PTPRM: variants seen among roughly 807,000 people sequenced by gnomAD.
The protein encoded by PTPRM is protein tyrosine phosphatase receptor type M.
In PTPRM, 47 loss-of-function variants were observed where a neutral mutation model predicts 186.7. The ratio of observed to expected loss-of-function variants is 0.25; its 90% CI spans 0.20 to 0.32. The LOEUF (loss-of-function observed/expected upper bound fraction) is 0.32, where lower values mean the gene tolerates loss of function less well. Ranked by LOEUF, PTPRM falls within the 10% of genes least tolerant of loss-of-function variation. The pLI, the probability that PTPRM is intolerant of heterozygous loss-of-function variation, is 1.00. For synonymous variants in PTPRM, 668 were observed against 674.9 expected (o/e 0.99, Z 0.16); for missense variants, 1,494 against 1,865.0 (o/e 0.80, Z 3.66).
At position 8,076,526 on chromosome 18, in the gene PTPRM, G is replaced by A; in HGVS notation, c.1513G>A (p.Glu505Lys). ...FEEKIFLQWREPTQTYGVITL... is the reference protein window; with the variant it reads ...FEEKIFLQWRKPTQTYGVITL... ...AGAGAAGATATTTCTTCAGTGGAGA[G>A]AACCAACTCAAACATATGGTGTAAT... Residue 505 changes from glutamate to lysine, a missense_variant, in exon 9 of 33, where the codon GAA (glutamate) becomes AAA (lysine). Physicochemically the swap from Glu to Lys is moderately conservative, Grantham distance 56 (BLOSUM62 1). Coordinates refer to ENST00000580170, the MANE Select transcript of PTPRM (RefSeq NM_001105244.2). 1 of 1,606,132 alleles carries A rather than the reference G, an allele frequency of 6.2e-7. No homozygotes were observed. Among genetic ancestry groups the A allele is most frequent in the Non-Finnish European group, 8.5e-7 (1 of 1,173,816 alleles).
chr18:8,069,892 A>T lies in PTPRM; in HGVS notation c.1339A>T (p.Thr447Ser). ...TENSHPQHTI[T>S]NLSPYTNVSV... ...AAACTCACACCCTCAACACACGATC[A>T]CTAACCTGTCACCATACACCAATGT... is the stretch of plus-strand genomic sequence containing the variant. The change falls in exon 8 of 33, where the codon ACT becomes TCT. Residue 447 changes from threonine (T) to serine (S), a missense_variant. Thr to Ser is a moderately conservative substitution (Grantham distance 58). Around this residue, in one of 3 missense-constraint regions of PTPRM, gnomAD observed 1,107 missense variants for 1,350.2 expected, o/e 0.82. Coordinates refer to ENST00000580170, the MANE Select transcript of PTPRM (RefSeq NM_001105244.2). The T allele has an allele frequency of 6.2e-7, 1 of 1,613,954 alleles. No homozygotes were observed. The highest frequency in any genetic ancestry group is 8.5e-7 in the Non-Finnish European group (1 of 1,179,852).
At chr18:7,756,439 A>G (rs2041494431) in intron 1 of PTPRM, among the ~76,000 whole-genome samples, 1 of 152,196 alleles carries the variant, frequency 6.6e-6, no homozygotes, top group African/African-American at 2.4e-5. Flanking sequence ...ATTTGAGGAA[A>G]TAAATCTCAC....
intron 7 of PTPRM, among the ~76,000 whole-genome samples, chr18:8,051,240 C>T (rs1383169522): frequency 6.6e-6 from 1 of 152,160 alleles, no homozygotes; most frequent in Non-Finnish European, 1.5e-5. Flanking sequence ...GAAAAGAAAT[C>T]TCAAAGAGCC....
chr18:8,236,012 G>A (rs917592630), intron 14 of PTPRM, among the ~76,000 whole-genome samples: 7 of 152,160 alleles, frequency 4.6e-5, no homozygotes, highest in African/African-American at 1.7e-4. Context: ...TCTGGTGAAT[G>A]TACCCTGTGA....
intron 32 of PTPRM, among the ~76,000 whole-genome samples, chr18:8,396,017 A>C (rs2095843684): frequency 2.0e-5 from 3 of 152,302 alleles, no homozygotes; most frequent in Admixed American, 2.0e-4. Flanking sequence ...TGATGCCATC[A>C]GTGGCCTGGC....
At chr18:8,209,577 T>C (rs1020685785) in intron 14 of PTPRM, among the ~76,000 whole-genome samples, 1 of 152,084 alleles carries the variant, frequency 6.6e-6, no homozygotes, top group African/African-American at 2.4e-5. Flanking sequence ...ATGGATTTAA[T>C]TGTGTCCCCC....
At chr18:8,168,199 T>C (rs1358310044) in intron 14 of PTPRM, among the ~76,000 whole-genome samples, 1 of 152,216 alleles carries the variant, frequency 6.6e-6, no homozygotes, top group African/African-American at 2.4e-5. Context: ...AAGTAGTTCC[T>C]GAAAGTTGTT....
chr18:8,406,271 C>T lies in PTPRM; in HGVS notation c.*109C>T. Reference sequence around the variant, plus strand: ...TTCTCAATATGCTTATTTTGCTTTGCATAATTGGCTCTTTTTAAGAGCCCA... The same window carrying T: ...TTCTCAATATGCTTATTTTGCTTTGTATAATTGGCTCTTTTTAAGAGCCCA... On this transcript the variant is annotated 3_prime_UTR_variant, in exon 33 of 33. Coordinates refer to ENST00000580170, the MANE Select transcript of PTPRM (RefSeq NM_001105244.2). The T allele has an allele frequency of 1.8e-6, 2 of 1,082,058 alleles. No individual in the cohort carries two copies. Among genetic ancestry groups the T allele is most frequent in the Non-Finnish European group, 2.7e-6 (2 of 737,540 alleles). 67.0% of individuals were successfully genotyped at this position (1,082,058 alleles called of 1,614,324 possible).
At chr18:7,907,204 C>T (rs529408597) in intron 4 of PTPRM, among the ~76,000 whole-genome samples, 7 of 152,300 alleles carry the variant, frequency 4.6e-5, no homozygotes, top group Admixed American at 3.3e-4. Context: ...TAAAATAGTA[C>T]AAATTGCTAG....
Position 8,145,147 on chromosome 18 carries a change from A to G in PTPRM, c.2300+1368A>G, listed in dbSNP as rs150835105. Among the ~76,000 whole-genome samples the G allele has an allele frequency of 6.9e-4, 105 of 152,344 alleles. No homozygotes were observed. The East Asian group carries it at 0.02, about 29-fold the overall frequency. ...AGAAAGAGCAACTTTAGAAACAGTT[A>G]AGAGTTAAATTTTAGTAGCCATTTG... On this transcript the variant is annotated intron_variant, in intron 14 of 32. Transcript: ENST00000580170.
intron 2 of PTPRM, among the ~76,000 whole-genome samples, chr18:7,813,659 T>C (rs1377408533): frequency 1.3e-5 from 2 of 152,192 alleles, no homozygotes; most frequent in Non-Finnish European, 2.9e-5. Context: ...AATTTCTCTA[T>C]ATTCTTTTAA....
At chr18:8,223,414 G>C (rs1395736453) in intron 14 of PTPRM, among the ~76,000 whole-genome samples, 1 of 152,134 alleles carries the variant, frequency 6.6e-6, no homozygotes, top group Admixed American at 6.5e-5. Flanking sequence ...TCTATTTTCT[G>C]TTCATCTAAG....
At chr18:7,629,348 G>C (rs969462816) in intron 1 of PTPRM, among the ~76,000 whole-genome samples, 1 of 152,146 alleles carries the variant, frequency 6.6e-6, no homozygotes, top group Admixed American at 6.5e-5. Context: ...TGATCATTTA[G>C]ATCAGCTTCC....
intron 1 of PTPRM, among the ~76,000 whole-genome samples, chr18:7,676,657 G>GTA (rs1454826867): frequency 2.4e-5 from 3 of 127,330 alleles, no homozygotes; most frequent in African/African-American, 1.1e-4. Context: ...GTGTGTGTGT[G>GTA]TGTGTATGTG....
intron 7 of PTPRM, among the ~76,000 whole-genome samples, chr18:7,989,082 T>G (rs2083122301): frequency 6.6e-6 from 1 of 152,184 alleles, no homozygotes; most frequent in African/African-American, 2.4e-5. Context: ...TAATACTTGT[T>G]GGTCATAGGT....
intron 1 of PTPRM, among the ~76,000 whole-genome samples, chr18:7,667,781 A>T (rs954611245): frequency 6.6e-6 from 1 of 152,168 alleles, no homozygotes; most frequent in Non-Finnish European, 1.5e-5. Flanking sequence ...TGCCTCGGAA[A>T]GATTTCAAAT....
At chr18:8,299,279 A>G (rs149581538) in intron 20 of PTPRM, among the ~76,000 whole-genome samples, 183 of 152,288 alleles carry the variant, frequency 1.2e-3, no homozygotes, top group African/African-American at 4.2e-3. Flanking sequence ...CTCTTCATTC[A>G]GTAAATATTT....
chr18:7,597,854 G>T (rs979058564), intron 1 of PTPRM, among the ~76,000 whole-genome samples: 35 of 152,212 alleles, frequency 2.3e-4, no homozygotes, highest in African/African-American at 8.4e-4. Flanking sequence ...GAATACACAT[G>T]TAGTGGATAG....
chr18:7,605,722 G>C (rs1051348333), intron 1 of PTPRM, among the ~76,000 whole-genome samples: 7 of 152,162 alleles, frequency 4.6e-5, no homozygotes, highest in African/African-American at 1.7e-4. Flanking sequence ...TTGCTTAAGC[G>C]TGTGAGGTTC....
Sources: allele counts gnomAD v4.1 joint callset (sites outside exome capture counted in the v4.1 genomes callset), GRCh38; gene constraint gnomAD v4.1.1; regional missense constraint gnomAD v4.1.1; transcripts MANE v1.5; gene names NCBI Gene and HGNC (gene_info 2026-07-23, HGNC 2026-07-21).